B4GALNT4: variants seen among roughly 807,000 people sequenced by gnomAD.
B4GALNT4 encodes N-acetyl-beta-glucosaminyl-glycoprotein 4-beta-N-acetylgalactosaminyltransferase 1.
A neutral mutation model predicts 110.0 loss-of-function variants in B4GALNT4; 77 were observed. The observed-to-expected ratio is 0.70, with a 90% CI of 0.58 to 0.85. The LOEUF is 0.85. Among genes scored for constraint, B4GALNT4 ranks in the 40% least tolerant of loss-of-function variants. The pLI, the probability that B4GALNT4 is intolerant of heterozygous loss-of-function variation, is 0.00. For missense variants in B4GALNT4, 1,575 were observed against 1,506.0 expected (o/e 1.05, Z -0.76); for synonymous variants, 785 against 655.5 (o/e 1.20, Z -3.02).
chr11:373,817 G>A lies in B4GALNT4; in HGVS notation c.772G>A (p.Val258Met), dbSNP rs764727414. 2.5e-6 allele frequency: 4 copies of A among 1,611,950 alleles called. No homozygotes were observed. Among genetic ancestry groups the A allele is most frequent in the East Asian group, 2.2e-5 (1 of 44,856 alleles). ...HKQDDRGSDH[V>M]EVGWRAFLPG... ...GCAGGACGACCGCGGCTCGGACCAC[G>A]TGGAAGTGGGCGTGAGTGCCTTCCT... is the stretch of plus-strand genomic sequence containing the variant. The change falls in exon 8 of 20, where the codon GTG becomes ATG. Residue 258 changes from valine (V) to methionine (M), a missense_variant. Coordinates refer to ENST00000329962, the MANE Select transcript of B4GALNT4 (RefSeq NM_178537.5).
intron 14 of B4GALNT4, among the ~76,000 whole-genome samples, chr11:378,874 C>G (rs1439578716): frequency 1.3e-5 from 2 of 152,232 alleles, no homozygotes; most frequent in African/African-American, 4.8e-5. Context: ...AGAGGTGACC[C>G]AGGGCCTGGA....
rs1846762560 is a variant in B4GALNT4 at position 376,691 on chromosome 11, C to A, written c.1568C>A (p.Pro523Gln). The stretch of plus-strand genomic sequence containing the variant: ...CGCCCTGCAGTGGAGCAGCCGCCCC[C>A]AAAGGTGTACGTGACCAGGGTGCGG... Reference protein sequence around the residue: ...PPRPAVEQPPPKVYVTRVRPG... With the variant: ...PPRPAVEQPPQKVYVTRVRPG... The change falls in exon 14 of 20, where the codon CCA becomes CAA. Residue 523 changes from proline (P) to glutamine (Q), a missense_variant. Physicochemically the swap from Pro to Gln is moderately conservative, Grantham distance 76. Transcript: ENST00000329962. 2.1e-6 allele frequency: 3 copies of A among 1,426,588 alleles called. No homozygotes were observed. The highest frequency in any genetic ancestry group is 1.8e-6 in the Non-Finnish European group (2 of 1,095,246). The allele number at this position is 1,426,588 out of a possible 1,614,324, so 88.4% of individuals were successfully genotyped here. A position where few individuals can be genotyped will look rare whatever the true frequency, so the allele number is the denominator to read the frequency against.
intron 1 of B4GALNT4, 84 bp from the exon 2 acceptor site, chr11:372,025 C>T (rs1846626022): frequency 8.8e-7 from 1 of 1,140,324 alleles, no homozygotes; most frequent in South Asian, 1.3e-5. Context: ...CCATGTGGGT[C>T]CCTGGCCCAG....
intron 1 of B4GALNT4, 139 bp downstream of exon 1, chr11:370,093 G>T (rs1298144198): frequency 1.9e-5 from 3 of 155,850 alleles, no homozygotes; most frequent in Non-Finnish European, 4.0e-5. Context: ...CCGCACAGAG[G>T]TCTCGGCTGG....
Position 380,115 on chromosome 11 carries a change from A to G in B4GALNT4, c.2643-15A>G, listed in dbSNP as rs759196051. On this transcript the variant is annotated splice_polypyrimidine_tract_variant and intron_variant, in intron 16 of 19. Transcript: ENST00000329962. ...CCCACCCCCAGAGATCGTGCCTGTG[A>G]CTCGCCCTCCCCAGGTACCAGTACC... 1.9e-5 allele frequency: 31 copies of G among 1,596,308 alleles called. No individual in the cohort carries two copies. The highest frequency in any genetic ancestry group is 2.5e-5 in the Non-Finnish European group (29 of 1,168,492).
chr11:378,866 A>G (rs1176860571), intron 14 of B4GALNT4, among the ~76,000 whole-genome samples: 1 of 152,012 alleles, frequency 6.6e-6, no homozygotes, highest in Non-Finnish European at 1.5e-5. Context: ...TTCTCAGAAG[A>G]GGTGACCCAG....
At chr11:373,623 C>G in intron 7 of B4GALNT4, 107 bp downstream of exon 7, 1 of 1,521,248 alleles carries the variant, frequency 6.6e-7, no homozygotes, top group Non-Finnish European at 9.0e-7. Flanking sequence ...CACGAGCACC[C>G]GCCCGGCCAA....
Position 372,766 on chromosome 11 carries a change from C to A in B4GALNT4, c.348+12C>A. The A allele has an allele frequency of 2.2e-6, 3 of 1,364,234 alleles. No homozygotes were observed. Among genetic ancestry groups the A allele is most frequent in the Non-Finnish European group, 2.9e-6 (3 of 1,023,798 alleles). The allele number at this position is 1,364,234 out of a possible 1,614,324, so 84.5% of individuals were successfully genotyped here. On this transcript the variant is annotated intron_variant, in intron 3 of 19. Coordinates refer to ENST00000329962, the MANE Select transcript of B4GALNT4 (RefSeq NM_178537.5). ...CATGGCGGGAGGAGGTGAGCTGGCT[C>A]GGCCTGTAATGGGCTGGGAGGCAGG...
rs1262937406 is a variant in B4GALNT4, at chr11:377,226, C to T, written c.2103C>T (p.Asn701=). The T allele has an allele frequency of 3.1e-6, 5 of 1,597,404 alleles. No individual in the cohort carries two copies. Among genetic ancestry groups the T allele is most frequent in the East Asian group, 2.3e-5 (1 of 44,056 alleles). The change falls in exon 14 of 20, where the codon AAC becomes AAT. Residue 701 remains asparagine (N), a synonymous_variant. Coordinates refer to ENST00000329962, the MANE Select transcript of B4GALNT4 (RefSeq NM_178537.5). The part of the protein sequence containing the change: ...VDFELLRSDW[N]DLRCNVSGNL... The stretch of plus-strand genomic sequence containing the variant: ...TCGAGCTGCTGCGCTCGGACTGGAA[C>T]GACCTGCGATGCAACGTTTCGGGGA...
In B4GALNT4 at chr11:376,582, A is replaced by AC; in HGVS notation, c.1464dup (p.Arg489GlnfsTer189). The stretch of plus-strand genomic sequence containing the variant: ...CCCTCCCCGCCCCCGGGACGGGGGG[A>AC]CCCCCAGGCACTCCCGGGCCCTGAG... On this transcript the variant is annotated frameshift_variant, in exon 14 of 20. Coordinates refer to ENST00000329962, the MANE Select transcript of B4GALNT4 (RefSeq NM_178537.5). LOFTEE classifies it high-confidence loss of function. The AC allele has an allele frequency of 4.1e-6, 5 of 1,229,944 alleles. No homozygotes were observed. The highest frequency in any genetic ancestry group is 5.0e-6 in the Non-Finnish European group (5 of 993,302). The allele number at this position is 1,229,944 out of a possible 1,614,324, so 76.2% of individuals were successfully genotyped here.
At chr11:381,267 C>A (rs12786943) in intron 19 of B4GALNT4, 2 of 495,328 alleles carry the variant, frequency 4.0e-6, no homozygotes, top group East Asian at 3.0e-4. Flanking sequence ...GCCCTGACAC[C>A]CCCAGCCCCT....
chr11:381,818 G>A lies in B4GALNT4; in HGVS notation c.*26G>A, dbSNP rs974719829. Reference sequence around the variant, plus strand: ...GGACGGGCAGCCCCTCCCAGCCCCGGTGGGAGTCCCGAGGCAGCTGCTGGG... The same window carrying A: ...GGACGGGCAGCCCCTCCCAGCCCCGATGGGAGTCCCGAGGCAGCTGCTGGG... On this transcript the variant is annotated 3_prime_UTR_variant, in exon 20 of 20. Transcript: ENST00000329962. 6.4e-7 allele frequency: 1 copy of A among 1,554,440 alleles called. No homozygotes were observed. Among genetic ancestry groups the A allele is most frequent in the South Asian group, 1.2e-5 (1 of 84,840 alleles).
chr11:375,620 G>A lies in B4GALNT4; in HGVS notation c.851-19G>A. On this transcript the variant is annotated intron_variant, in intron 9 of 19. Transcript: ENST00000329962. Reference sequence around the variant, plus strand: ...GGAGGAGGGGGTCTGAGCACTCCCTGGAACTCTTCTGCCCCCAGATGAGTC... The same window carrying A: ...GGAGGAGGGGGTCTGAGCACTCCCTAGAACTCTTCTGCCCCCAGATGAGTC... 1 of 1,594,156 alleles carries A rather than the reference G, an allele frequency of 6.3e-7. No homozygotes were observed. The highest frequency in any genetic ancestry group is 2.2e-5 in the East Asian group (1 of 44,662).
At chr11:380,797 G>T (rs778906560) in intron 18 of B4GALNT4, 28 bp from the exon 19 acceptor site, 1 of 1,613,638 alleles carries the variant, frequency 6.2e-7, no homozygotes, top group South Asian at 1.1e-5. Context: ...TGGTCTGAAG[G>T]GTAGCACCCC....
chr11:370,834 T>C lies in B4GALNT4; in HGVS notation c.151+880T>C, dbSNP rs1489983096. Among the ~76,000 whole-genome samples the C allele has an allele frequency of 2.4e-4, 36 of 152,152 alleles. 1 individual carries two copies. Among genetic ancestry groups the C allele is most frequent in the East Asian group, 3.9e-4 (2 of 5,176 alleles). ...AACAATGATACTGGCTGGGGACTCC[T>C]GGGCCACTCCACCTGCCAAAGCCCC... On this transcript the variant is annotated intron_variant, in intron 1 of 19. Coordinates refer to ENST00000329962, the MANE Select transcript of B4GALNT4 (RefSeq NM_178537.5).
intron 17 of B4GALNT4, 40 bp downstream of exon 17, chr11:380,242 G>C: frequency 1.2e-6 from 2 of 1,607,000 alleles, no homozygotes; most frequent in Non-Finnish European, 1.7e-6. Flanking sequence ...AAAACGGGGC[G>C]TGCCCGGGGA....
intron 8 of B4GALNT4, 86 bp from the exon 9 acceptor site, chr11:375,375 C>G (rs1165258014): frequency 5.1e-6 from 7 of 1,382,232 alleles, no homozygotes; most frequent in Non-Finnish European, 6.1e-6. Context: ...TCCTATTAGT[C>G]CCCCGGCCCT....
In B4GALNT4 at chr11:376,333, C is replaced by A. The variant is rs773178657; in HGVS notation, c.1279C>A (p.Leu427Ile). Residue 427 changes from leucine to isoleucine, a missense_variant, in exon 13 of 20, where the codon CTC (leucine) becomes ATC (isoleucine). Coordinates refer to ENST00000329962, the MANE Select transcript of B4GALNT4 (RefSeq NM_178537.5). ...AGACGAGGTGCAGCGCCGAGCCTTC[C>A]TCTTCCTCAACCCGGACGGTGAGTG... Reference protein sequence around the residue: ...EEDEVQRRAFLFLNPDDFLDD... With the variant: ...EEDEVQRRAFIFLNPDDFLDD... 6 of 1,609,024 alleles carry A rather than the reference C, an allele frequency of 3.7e-6. No homozygotes were observed. Among genetic ancestry groups the A allele is most frequent in the African/African-American group, 1.3e-5 (1 of 74,828 alleles).
Position 376,650 on chromosome 11 carries a change from C to T in B4GALNT4, c.1527C>T (p.Gly509=). 7.0e-7 allele frequency: 1 copy of T among 1,427,922 alleles called. No individual in the cohort carries two copies. Among genetic ancestry groups the T allele is most frequent in the South Asian group, 1.3e-5 (1 of 74,634 alleles). 88.5% of individuals were successfully genotyped at this position (1,427,922 alleles called of 1,614,324 possible). ...CCCGCCCTTTGCCGCTCTTCTTGGGCCGAGCTCCGCCCCCGCGCCCTGCAG... is the reference window on the plus strand; with the variant it reads ...CCCGCCCTTTGCCGCTCTTCTTGGGTCGAGCTCCGCCCCCGCGCCCTGCAG... ...RAARPLPLFL[G]RAPPPRPAVE... is the part of the protein sequence containing the mutation. The change falls in exon 14 of 20, where the codon GGC becomes GGT. Residue 509 remains glycine, a synonymous_variant. Transcript: ENST00000329962.
Sources: allele counts gnomAD v4.1 joint callset (sites outside exome capture counted in the v4.1 genomes callset), GRCh38; gene constraint gnomAD v4.1.1; transcripts MANE v1.5; gene names NCBI Gene and HGNC (gene_info 2026-07-23, HGNC 2026-07-21).